UTRN: variants seen among roughly 807,000 people sequenced by gnomAD.
The protein encoded by UTRN is utrophin, also known as dystrophin-related protein 1.
In UTRN, 283 loss-of-function variants were observed where a neutral mutation model predicts 463.9. That is an observed-to-expected ratio of 0.61 (90% CI 0.55 to 0.67). The LOEUF (loss-of-function observed/expected upper bound fraction) is 0.67. UTRN is among the 30% of genes least tolerant of loss of function. UTRN has a pLI of 0.00. For synonymous variants in UTRN, 1,442 were observed against 1,431.5 expected (o/e 1.01, Z -0.17); for missense variants, 3,922 against 4,084.3 (o/e 0.96, Z 1.08).
At chr6:144,554,356 A>G (rs1012239368) in intron 48 of UTRN, among the ~76,000 whole-genome samples, 1 of 152,254 alleles carries the variant, frequency 6.6e-6, no homozygotes, top group Non-Finnish European at 1.5e-5. Context: ...AACCAGGTCT[A>G]TAAATACAAC....
intron 51 of UTRN, among the ~76,000 whole-genome samples, chr6:144,598,202 T>C (rs1803855429): frequency 6.6e-6 from 1 of 152,170 alleles, no homozygotes; most frequent in Non-Finnish European, 1.5e-5. Context: ...GGGTGTAGCA[T>C]GGTTTTATAC....
At chr6:144,775,524 G>A (rs1462346104) in intron 60 of UTRN, among the ~76,000 whole-genome samples, 11 of 152,154 alleles carry the variant, frequency 7.2e-5, no homozygotes, top group South Asian at 2.1e-4. Context: ...AAGCCACCAC[G>A]CTCTGGCTAC....
chr6:144,382,821 C>A (rs1781052032), intron 2 of UTRN, among the ~76,000 whole-genome samples: 1 of 152,192 alleles, frequency 6.6e-6, no homozygotes, highest in Non-Finnish European at 1.5e-5. Flanking sequence ...AAACATGATT[C>A]ATGGATGGAG....
intron 2 of UTRN, among the ~76,000 whole-genome samples, chr6:144,334,175 G>T (rs1776540059): frequency 6.6e-6 from 1 of 152,122 alleles, no homozygotes; most frequent in Admixed American, 6.6e-5. Flanking sequence ...TCTTTATGCT[G>T]TGGAGGCAAA....
intron 2 of UTRN, among the ~76,000 whole-genome samples, chr6:144,298,417 A>C (rs1368485063): frequency 6.6e-6 from 1 of 152,162 alleles, no homozygotes; most frequent in Non-Finnish European, 1.5e-5. Flanking sequence ...TGTGCCTTTA[A>C]ACAACCAAAT....
At chr6:144,543,895 A>G (rs1798189083) in intron 46 of UTRN, among the ~76,000 whole-genome samples, 1 of 152,162 alleles carries the variant, frequency 6.6e-6, no homozygotes, top group Non-Finnish European at 1.5e-5. Context: ...AATTTGCACA[A>G]AAAGTACCTG....
At chr6:144,781,861 G>A in intron 60 of UTRN, 61 bp from the exon 61 acceptor site, 1 of 1,285,848 alleles carries the variant, frequency 7.8e-7, no homozygotes, top group Non-Finnish European at 1.1e-6. Flanking sequence ...TTGTTGTGAT[G>A]TTGTTATGTA....
intron 51 of UTRN, among the ~76,000 whole-genome samples, chr6:144,601,276 C>A (rs1407985066): frequency 6.6e-6 from 1 of 152,058 alleles, no homozygotes; most frequent in Admixed American, 6.6e-5. Flanking sequence ...ATAGTAATTC[C>A]TTTGATGGAT....
intron 50 of UTRN, among the ~76,000 whole-genome samples, chr6:144,570,799 G>T (rs17073869): frequency 0.29 from 44,327 of 151,940 alleles, 7,998 homozygotes; most frequent in African/African-American, 0.51. Flanking sequence ...AAGTATGACC[G>T]TAGGTTGTCT....
At chr6:144,390,233 A>G (rs1355916170) in intron 2 of UTRN, among the ~76,000 whole-genome samples, 2 of 152,098 alleles carry the variant, frequency 1.3e-5, no homozygotes, top group Non-Finnish European at 2.9e-5. Flanking sequence ...CCACCTCACC[A>G]CGTCCCAGCA....
At chr6:144,839,442 A>C (rs1426678686) in intron 72 of UTRN, among the ~76,000 whole-genome samples, 158 bp downstream of exon 72, 1 of 152,246 alleles carries the variant, frequency 6.6e-6, no homozygotes, top group Non-Finnish European at 1.5e-5. Flanking sequence ...CATTTCAACA[A>C]TATCAAAAAG....
chr6:144,314,307 G>A (rs932300492), intron 2 of UTRN, among the ~76,000 whole-genome samples: 5 of 152,160 alleles, frequency 3.3e-5, no homozygotes, highest in African/African-American at 4.8e-5. Flanking sequence ...CCTGGTTTCC[G>A]CATTCCCTGT....
chr6:144,812,205 G>A (rs1778679340), intron 65 of UTRN, among the ~76,000 whole-genome samples: 1 of 143,934 alleles, frequency 6.9e-6, no homozygotes, highest in South Asian at 2.1e-4. Context: ...TTGGTAATTA[G>A]AAGTTATTTA....
chr6:144,845,664 C>T (rs891562752), intron 73 of UTRN, among the ~76,000 whole-genome samples: 2 of 152,148 alleles, frequency 1.3e-5, no homozygotes, highest in African/African-American at 4.8e-5. Context: ...ATAACTCTGT[C>T]TGTTTTAAAA....
At chr6:144,630,231 C>T (rs902338114) in intron 51 of UTRN, among the ~76,000 whole-genome samples, 1 of 152,062 alleles carries the variant, frequency 6.6e-6, no homozygotes, top group African/African-American at 2.4e-5. Flanking sequence ...TTGGGAGTTA[C>T]TAAGCATATA....
intron 60 of UTRN, among the ~76,000 whole-genome samples, chr6:144,777,985 T>C (rs1390416628): frequency 6.6e-6 from 1 of 152,228 alleles, no homozygotes; most frequent in Non-Finnish European, 1.5e-5. Flanking sequence ...TCGGTTTTTT[T>C]CCTCAAGTTC....
At chr6:144,492,271 A>G (rs763110849) in intron 32 of UTRN, among the ~76,000 whole-genome samples, 26 of 152,092 alleles carry the variant, frequency 1.7e-4, no homozygotes, top group Non-Finnish European at 3.5e-4. Flanking sequence ...GAGAACATTT[A>G]GTATTTGGTT....
At chr6:144,334,437 G>A (rs938402652) in intron 2 of UTRN, among the ~76,000 whole-genome samples, 3 of 149,056 alleles carry the variant, frequency 2.0e-5, no homozygotes, top group East Asian at 1.9e-4. Context: ...GTAGTGTTGC[G>A]TCACTCTGTC....
intron 18 of UTRN, among the ~76,000 whole-genome samples, chr6:144,452,903 C>T (rs1788470039): frequency 2.0e-5 from 3 of 149,448 alleles, no homozygotes; most frequent in Admixed American, 1.3e-4. Flanking sequence ...GATTGTGCCA[C>T]TGCACCCCAG....
Sources: allele counts gnomAD v4.1 joint callset (sites outside exome capture counted in the v4.1 genomes callset), GRCh38; gene constraint gnomAD v4.1.1; transcripts MANE v1.5; gene names NCBI Gene and HGNC (gene_info 2026-07-23, HGNC 2026-07-21).